The following SLC25A48 variants were observed in gnomAD, a reference collection of about 807,000 sequenced individuals.
SLC25A48 encodes solute carrier family 25 member 48.
Under a neutral mutation model 32.2 loss-of-function variants are expected in SLC25A48, and 29 were observed. That is an observed-to-expected ratio of 0.90 (90% CI 0.67 to 1.23). The LOEUF (loss-of-function observed/expected upper bound fraction) is 1.23, where lower values mean the gene tolerates loss of function less well. Among genes scored for constraint, SLC25A48 ranks in the 50% most tolerant of loss-of-function variants. SLC25A48 has a pLI of 0.00. For missense variants in SLC25A48, 399 were observed against 422.7 expected, an observed-to-expected ratio of 0.94 and a Z score of 0.49; for synonymous variants, 164 against 172.3, an observed-to-expected ratio of 0.95 and a Z score of 0.38.
intron 2 of SLC25A48, among the ~76,000 whole-genome samples, chr5:135,849,311 G>T (rs983269716): frequency 2.6e-5 from 4 of 152,194 alleles, no homozygotes; most frequent in Non-Finnish European, 5.9e-5. Flanking sequence ...TCTCCTCTTT[G>T]GTGGTCTCAT....
rs534033561 is a variant in SLC25A48, at chr5:135,781,461, T to C, written c.-520-31062T>C. On this transcript the variant is annotated intron_variant, in intron 3 of 10. Transcript: ENST00000646290. ...CCCTTTTGTGATATTGTTTGTAATA[T>C]CCAGGAAGGGAGAGGATGATATTTT... 6.8e-5 allele frequency among the ~76,000 whole-genome samples: 8 copies of C among 116,954 alleles called. 2 individuals carry two copies. In the South Asian group the frequency reaches 2.4e-3, roughly 35 times the overall value. 76.7% of individuals were successfully genotyped at this position (116,954 alleles called of 152,430 possible).
In SLC25A48 at chr5:135,688,869, C is replaced by T. The variant is rs117166904; in HGVS notation, c.-521+53913C>T. On this transcript the variant is annotated intron_variant, in intron 3 of 10. Transcript: ENST00000646290. ...CAATGTCAATGGGAGCCAATGGGAC[C>T]ATGTCCAACCATATAATCAAATAAT... Among the ~76,000 whole-genome samples, 23 of 152,306 alleles carry T rather than the reference C, an allele frequency of 1.5e-4. No individual in the cohort carries two copies. The East Asian group carries it at 1.5e-3, about 10-fold the overall frequency.
intron 2 of SLC25A48, among the ~76,000 whole-genome samples, chr5:135,632,085 C>G (rs995847256): frequency 2.6e-4 from 39 of 152,206 alleles, no homozygotes; most frequent in African/African-American, 6.5e-4. Context: ...AGTGTGACAA[C>G]ACATGTGGCC....
At chr5:135,849,200 G>A (rs1293449397) in intron 2 of SLC25A48, among the ~76,000 whole-genome samples, 1 of 152,144 alleles carries the variant, frequency 6.6e-6, no homozygotes, top group African/African-American at 2.4e-5. Context: ...TCCTCCACTT[G>A]TCTACAGAGC....
At chr5:135,626,592 G>A (rs1752446227) in intron 1 of SLC25A48, among the ~76,000 whole-genome samples, 1 of 152,208 alleles carries the variant, frequency 6.6e-6, no homozygotes, top group Admixed American at 6.5e-5. Flanking sequence ...TTGCATACAT[G>A]TGTGTTTCTG....
At chr5:135,754,131 G>A (rs766689470) in intron 3 of SLC25A48, among the ~76,000 whole-genome samples, 14 of 151,626 alleles carry the variant, frequency 9.2e-5, no homozygotes, top group Non-Finnish European at 1.0e-4. Flanking sequence ...ACAGCACAGG[G>A]TGTATGCACA....
chr5:135,763,580 A>C (rs996239258), intron 3 of SLC25A48, among the ~76,000 whole-genome samples: 6 of 152,272 alleles, frequency 3.9e-5, no homozygotes, highest in African/African-American at 1.4e-4. Flanking sequence ...GAGGAGGGGA[A>C]GAAAGAGGGA....
intron 3 of SLC25A48, among the ~76,000 whole-genome samples, chr5:135,705,271 C>T (rs1308702400): frequency 6.6e-6 from 1 of 152,242 alleles, no homozygotes; most frequent in Non-Finnish European, 1.5e-5. Context: ...GAGCAAGCAG[C>T]TGCTGTCATG....
intron 1 of SLC25A48, among the ~76,000 whole-genome samples, chr5:135,616,919 CT>C (rs1220652294): frequency 1.1e-4 from 17 of 152,168 alleles, no homozygotes; most frequent in African/African-American, 3.6e-4. Context: ...CTGTAGTTTA[CT>C]TTTTTGTTGT....
At chr5:135,811,268 T>A (rs1455955628) in intron 3 of SLC25A48, among the ~76,000 whole-genome samples, 1 of 152,198 alleles carries the variant, frequency 6.6e-6, no homozygotes. Context: ...CTGTCATTTG[T>A]GACATGGATG....
intron 7 of SLC25A48, among the ~76,000 whole-genome samples, chr5:135,886,588 AAT>A (rs147005349): frequency 7.5e-3 from 266 of 35,356 alleles, no homozygotes; most frequent in African/African-American, 0.017. Flanking sequence ...TATTTAACCA[AAT>A]ATATATATAT....
chr5:135,670,364 A>G (rs1580771598), intron 3 of SLC25A48, among the ~76,000 whole-genome samples: 1 of 152,278 alleles, frequency 6.6e-6, no homozygotes, highest in Non-Finnish European at 1.5e-5. Flanking sequence ...CAGTTTTTAA[A>G]TAGAGCTGCA....
intron 2 of SLC25A48, among the ~76,000 whole-genome samples, chr5:135,845,974 A>G (rs949778740): frequency 6.6e-6 from 1 of 151,840 alleles, no homozygotes; most frequent in East Asian, 2.0e-4. Context: ...GGGGTCCCCA[A>G]CTCCTATACC....
intron 6 of SLC25A48, chr5:135,876,321 T>C (rs959196986): frequency 5.3e-5 from 8 of 152,146 alleles, no homozygotes; most frequent in African/African-American, 1.7e-4. Context: ...ATATTGCTGA[T>C]ATTATTTCCT....
At chr5:135,737,425 T>A (rs574105668) in intron 3 of SLC25A48, among the ~76,000 whole-genome samples, 1 of 152,332 alleles carries the variant, frequency 6.6e-6, no homozygotes, top group East Asian at 1.9e-4. Flanking sequence ...TCAGGCCATC[T>A]GGATGTATAT....
chr5:135,761,819 C>T (rs1014803035), intron 3 of SLC25A48, among the ~76,000 whole-genome samples: 1 of 152,166 alleles, frequency 6.6e-6, no homozygotes, highest in Non-Finnish European at 1.5e-5. Flanking sequence ...TCCCCAGGAG[C>T]AGGATTCCAG....
intron 1 of SLC25A48, among the ~76,000 whole-genome samples, chr5:135,594,577 G>T (rs1400350394): frequency 1.3e-5 from 2 of 152,220 alleles, no homozygotes; most frequent in African/African-American, 2.4e-5. Context: ...TCCTTGGCAT[G>T]TGGGAGGGGT....
chr5:135,760,408 G>T lies in SLC25A48; in HGVS notation c.-520-52115G>T, dbSNP rs144186119. On this transcript the variant is annotated intron_variant, in intron 3 of 10. Coordinates refer to the SLC25A48 transcript ENST00000646290. ...TCTGGGTGTTGGGGAGCTCAGGCAT[G>T]AACACCAAGGCCAGAAAGTGGCTCC... Among the ~76,000 whole-genome samples, 395 of 152,246 alleles carry T rather than the reference G, an allele frequency of 2.6e-3. 2 individuals are homozygous for T. The highest frequency in any genetic ancestry group is 9.4e-3 in the African/African-American group (389 of 41,548).
chr5:135,708,602 C>T (rs1754577027), intron 3 of SLC25A48, among the ~76,000 whole-genome samples: 1 of 152,128 alleles, frequency 6.6e-6, no homozygotes, highest in African/African-American at 2.4e-5. Context: ...GCAGAGATGA[C>T]CCAGCTATCC....
Sources: allele counts gnomAD v4.1 joint callset (sites outside exome capture counted in the v4.1 genomes callset), GRCh38; gene constraint gnomAD v4.1.1; transcripts MANE v1.5; gene names NCBI Gene and HGNC (gene_info 2026-07-23, HGNC 2026-07-21).